The following FMNL2 variants were observed in gnomAD, a reference collection of about 807,000 sequenced individuals.
The protein encoded by FMNL2 is formin like 2.
Under a neutral mutation model 130.2 loss-of-function variants are expected in FMNL2, and 51 were observed. That is an observed-to-expected ratio of 0.39 (90% CI 0.31 to 0.49). The LOEUF (loss-of-function observed/expected upper bound fraction) is 0.49. Ranked by LOEUF, FMNL2 falls within the 20% of genes least tolerant of loss-of-function variation. The pLI is 0.85. For missense variants in FMNL2, 977 were observed against 1,316.2 expected, an observed-to-expected ratio of 0.74 and a Z score of 3.99; for synonymous variants, 465 against 467.1, an observed-to-expected ratio of 1.00 and a Z score of 0.06.
chr2:152,575,849 A>G (rs1190202732), intron 7 of FMNL2, among the ~76,000 whole-genome samples: 1 of 152,200 alleles, frequency 6.6e-6, no homozygotes, highest in African/African-American at 2.4e-5. Flanking sequence ...CCTAATCTTT[A>G]TAAGAAGCAC....
At chr2:152,624,527 T>C (rs1681636834) in intron 15 of FMNL2, among the ~76,000 whole-genome samples, 1 of 152,070 alleles carries the variant, frequency 6.6e-6, no homozygotes, top group African/African-American at 2.4e-5. Context: ...GTACCCCTTT[T>C]TTCACTCTGT....
intron 1 of FMNL2, among the ~76,000 whole-genome samples, chr2:152,350,446 T>C (rs1489328250): frequency 6.6e-6 from 1 of 152,142 alleles, no homozygotes; most frequent in Non-Finnish European, 1.5e-5. Context: ...ATTCAGGTGA[T>C]TTTCAAAGAA....
chr2:152,502,139 CAG>C (rs1380161412), intron 1 of FMNL2, among the ~76,000 whole-genome samples: 1 of 152,186 alleles, frequency 6.6e-6, no homozygotes, highest in Non-Finnish European at 1.5e-5. Context: ...GTGGCGCTAA[CAG>C]AGTTTTGCTT....
At chr2:152,338,806 G>T (rs1681622380) in intron 1 of FMNL2, among the ~76,000 whole-genome samples, 1 of 89,188 alleles carries the variant, frequency 1.1e-5, no homozygotes. Context: ...TTCAGGTACA[G>T]CTGGAAGGTG....
intron 1 of FMNL2, among the ~76,000 whole-genome samples, chr2:152,407,432 A>C (rs950566193): frequency 6.6e-6 from 1 of 151,940 alleles, no homozygotes; most frequent in African/African-American, 2.4e-5. Context: ...GACTCCTGAC[A>C]GCGCCTCCCT....
intron 1 of FMNL2, among the ~76,000 whole-genome samples, chr2:152,480,883 C>T (rs1690480579): frequency 6.6e-6 from 1 of 152,062 alleles, no homozygotes; most frequent in Non-Finnish European, 1.5e-5. Flanking sequence ...GAAATGAAGC[C>T]TGGTGTTTTC....
intron 1 of FMNL2, chr2:152,390,513 T>A: frequency 6.5e-7 from 1 of 1,547,738 alleles, no homozygotes; most frequent in Non-Finnish European, 8.9e-7. Context: ...AAAGATGATG[T>A]ATGACCAGAG....
chr2:152,616,327 GTTTTT>G (rs36107333), intron 12 of FMNL2, among the ~76,000 whole-genome samples: 6 of 110,056 alleles, frequency 5.5e-5, no homozygotes, highest in African/African-American at 2.2e-4. Context: ...ATTTTTGTGG[GTTTTT>G]TTTTTTTTTT....
intron 1 of FMNL2, among the ~76,000 whole-genome samples, chr2:152,509,899 C>T (rs1342768408): frequency 1.3e-5 from 2 of 151,750 alleles, no homozygotes; most frequent in Middle Eastern, 3.4e-3. Context: ...CACATGCAGC[C>T]ACACCTGGCC....
At position 152,364,259 on chromosome 2, in the gene FMNL2, G is replaced by GTTTT. The variant is rs1163993397; in HGVS notation, c.117+28540_117+28541insTTTT. Among the ~76,000 whole-genome samples, 59 of 100,754 alleles carry GTTTT rather than the reference G, an allele frequency of 5.9e-4. 4 individuals are homozygous for GTTTT. In the East Asian group the frequency reaches 0.011, roughly 19 times the overall value. The allele number at this position is 100,754 out of a possible 152,430, so 66.1% of individuals were successfully genotyped here. A position where few individuals can be genotyped will look rare whatever the true frequency, so the allele number is the denominator to read the frequency against. On this transcript the variant is annotated intron_variant, in intron 1 of 25. Transcript: ENST00000288670. ...GTTTCACATCCGTTAGGAGGTTTGT[G>GTTTT]TGTTTTTTTTTTTTTTTTTTTTTTT...
chr2:152,498,937 G>C (rs959907984), intron 1 of FMNL2, among the ~76,000 whole-genome samples: 1 of 152,206 alleles, frequency 6.6e-6, no homozygotes, highest in African/African-American at 2.4e-5. Context: ...GAAGGAATTT[G>C]GCATCTTTGT....
At chr2:152,617,313 G>T in intron 13 of FMNL2, 121 bp downstream of exon 13, 1 of 880,212 alleles carries the variant, frequency 1.1e-6, no homozygotes, top group Non-Finnish European at 1.8e-6. Flanking sequence ...ATATTTATTG[G>T]AAACCTTTGA....
chr2:152,402,171 A>T (rs112588721), intron 1 of FMNL2, among the ~76,000 whole-genome samples: 3 of 151,988 alleles, frequency 2.0e-5, no homozygotes, highest in African/African-American at 7.2e-5. Context: ...CAAAGTGCTG[A>T]GATTACAGGC....
chr2:152,407,658 T>C (rs1168731047), intron 1 of FMNL2, among the ~76,000 whole-genome samples: 1 of 152,276 alleles, frequency 6.6e-6, no homozygotes, highest in East Asian at 1.9e-4. Flanking sequence ...TGGCTCTGGC[T>C]GCTGCTGTAC....
At chr2:152,630,932 C>T (rs1165354627) in intron 20 of FMNL2, among the ~76,000 whole-genome samples, 1 of 152,110 alleles carries the variant, frequency 6.6e-6, no homozygotes, top group African/African-American at 2.4e-5. Context: ...TAATCAGTGT[C>T]CCCCTTATCC....
chr2:152,478,543 T>A (rs1322982342), intron 1 of FMNL2, among the ~76,000 whole-genome samples: 3 of 152,060 alleles, frequency 2.0e-5, no homozygotes, highest in Non-Finnish European at 1.5e-5. Context: ...GCCTGAAAAT[T>A]TTTTTAGTTA....
intron 1 of FMNL2, among the ~76,000 whole-genome samples, chr2:152,412,138 C>G (rs915840823): frequency 1.3e-5 from 2 of 152,012 alleles, no homozygotes; most frequent in African/African-American, 4.8e-5. Context: ...CTCATTAAAG[C>G]CTTCTCTGAC....
chr2:152,398,502 A>T (rs933756986), intron 1 of FMNL2, among the ~76,000 whole-genome samples: 5 of 152,208 alleles, frequency 3.3e-5, no homozygotes, highest in African/African-American at 1.2e-4. Flanking sequence ...ATTTTGGATG[A>T]CTGAACATTC....
chr2:152,522,505 A>T (rs1340406247), intron 2 of FMNL2, among the ~76,000 whole-genome samples: 2 of 150,152 alleles, frequency 1.3e-5, no homozygotes, highest in Non-Finnish European at 2.9e-5. Flanking sequence ...CTCAAATCTC[A>T]TCTTGAATTC....
Sources: allele counts gnomAD v4.1 joint callset (sites outside exome capture counted in the v4.1 genomes callset), GRCh38; gene constraint gnomAD v4.1.1; transcripts MANE v1.5; gene names NCBI Gene and HGNC (gene_info 2026-07-23, HGNC 2026-07-21).